Variants in SGPP2 observed in about 807,000 individuals in gnomAD.
SGPP2 encodes the protein sphingosine 1-phosphate phosphohydrolase 2.
Under a neutral mutation model 33.9 loss-of-function variants are expected in SGPP2, and 30 were observed. The ratio of observed to expected loss-of-function variants is 0.89; its 90% confidence interval spans 0.66 to 1.20. The LOEUF (loss-of-function observed/expected upper bound fraction) is 1.20. Among genes scored for constraint, SGPP2 ranks in the 50% most tolerant of loss-of-function variants. The pLI is 0.00. For synonymous variants in SGPP2, 233 were observed against 225.0 expected, an observed-to-expected ratio of 1.04 and a Z score of -0.32; for missense variants, 458 against 532.1, an observed-to-expected ratio of 0.86 and a Z score of 1.37.
In SGPP2 at chr2:222,476,397, G is replaced by A. The variant is rs376044287; in HGVS notation, c.378+1671G>A. 4.5e-4 allele frequency among the ~76,000 whole-genome samples: 69 copies of A among 152,140 alleles called. 1 individual carries two copies. Among genetic ancestry groups the A allele is most frequent in the African/African-American group, 1.6e-3 (67 of 41,472 alleles). On this transcript the variant is annotated intron_variant, in intron 2 of 4. Transcript: ENST00000321276. The surrounding 1 kb of genome is among the most constrained non-coding windows in gnomAD (Gnocchi z 4.3). ...GAGCAACTGCCCCTGGCTCCACCTG[G>A]GACTTCAAATCCCTGTCTCCCAATA...
chr2:222,453,406 T>C (rs780957534), intron 1 of SGPP2, among the ~76,000 whole-genome samples: 48 of 152,148 alleles, frequency 3.2e-4, no homozygotes, highest in South Asian at 1.7e-3. Flanking sequence ...CCTCCAGAAG[T>C]GAAAGTATCA....
intron 4 of SGPP2, among the ~76,000 whole-genome samples, chr2:222,527,247 A>G (rs1378547158): frequency 6.6e-6 from 1 of 152,224 alleles, no homozygotes; most frequent in African/African-American, 2.4e-5. Flanking sequence ...AGTAGACAAC[A>G]GAATAGTGTA....
chr2:222,548,381 A>C (rs1313114589), intron 4 of SGPP2, among the ~76,000 whole-genome samples: 1 of 152,224 alleles, frequency 6.6e-6, no homozygotes, highest in African/African-American at 2.4e-5. Flanking sequence ...ATTTATTCTA[A>C]AATTACAGAA....
intron 2 of SGPP2, among the ~76,000 whole-genome samples, chr2:222,492,630 TC>T (rs1209801402): frequency 6.6e-6 from 1 of 152,228 alleles, no homozygotes; most frequent in African/African-American, 2.4e-5. Context: ...GGAGACGTTT[TC>T]CCTGTTGTCT....
intron 1 of SGPP2, among the ~76,000 whole-genome samples, chr2:222,472,339 A>T (rs1697857331): frequency 6.6e-6 from 1 of 152,104 alleles, no homozygotes; most frequent in Non-Finnish European, 1.5e-5. Context: ...TGCAGGGCCC[A>T]CTAGCCAAGT....
At chr2:222,451,848 G>T (rs987505099) in intron 1 of SGPP2, among the ~76,000 whole-genome samples, 2 of 152,174 alleles carry the variant, frequency 1.3e-5, no homozygotes, top group African/African-American at 2.4e-5. Context: ...GATGGGTGGA[G>T]TAATCATCAT....
At chr2:222,450,061 G>A (rs1697460543) in intron 1 of SGPP2, among the ~76,000 whole-genome samples, 1 of 152,188 alleles carries the variant, frequency 6.6e-6, no homozygotes, top group Non-Finnish European at 1.5e-5. Context: ...TCAATTTCAT[G>A]TGCTTCAATC....
chr2:222,554,174 T>C (rs571222762), intron 4 of SGPP2, among the ~76,000 whole-genome samples: 11 of 152,384 alleles, frequency 7.2e-5, no homozygotes, highest in African/African-American at 2.6e-4. Flanking sequence ...TTCCTGATTG[T>C]ACCCAGCCAT....
At chr2:222,452,762 G>T in intron 1 of SGPP2, 1 of 1,468,572 alleles carries the variant, frequency 6.8e-7, no homozygotes. Flanking sequence ...GGCATTCCTG[G>T]TGGTAAGAAG....
intron 2 of SGPP2, among the ~76,000 whole-genome samples, chr2:222,488,716 A>T (rs930685767): frequency 3.3e-5 from 5 of 152,190 alleles, no homozygotes; most frequent in African/African-American, 4.8e-5. Context: ...AACATCAAAC[A>T]TGCAAGCCTT....
chr2:222,499,803 G>A (rs891930300), intron 2 of SGPP2, among the ~76,000 whole-genome samples: 6 of 152,128 alleles, frequency 3.9e-5, no homozygotes, highest in African/African-American at 1.2e-4. Context: ...CCTGTTTGTG[G>A]TTGAGCTCTA....
chr2:222,436,556 A>G (rs1697243789), intron 1 of SGPP2, among the ~76,000 whole-genome samples: 1 of 152,172 alleles, frequency 6.6e-6, no homozygotes, highest in African/African-American at 2.4e-5. Context: ...GATGGGGAAC[A>G]TGGTACGACC....
chr2:222,518,751 G>A (rs1405255051), intron 2 of SGPP2, among the ~76,000 whole-genome samples: 4 of 152,188 alleles, frequency 2.6e-5, no homozygotes, highest in Non-Finnish European at 4.4e-5. Flanking sequence ...ATTCGAAATT[G>A]CAGCTATGGA....
At chr2:222,519,286 G>A (rs1698649521) in intron 2 of SGPP2, among the ~76,000 whole-genome samples, 2 of 152,236 alleles carry the variant, frequency 1.3e-5, no homozygotes, top group South Asian at 4.1e-4. Flanking sequence ...AATTTAGTAG[G>A]TCTAAGGAGA....
At chr2:222,445,127 A>G (rs1167707065) in intron 1 of SGPP2, among the ~76,000 whole-genome samples, 3 of 152,180 alleles carry the variant, frequency 2.0e-5, no homozygotes, top group Admixed American at 2.0e-4. Context: ...ATCCTGTGTA[A>G]GGTGAAGATA....
intron 2 of SGPP2, chr2:222,503,871 C>T (rs1345245487): frequency 6.6e-6 from 1 of 152,134 alleles, no homozygotes; most frequent in Non-Finnish European, 1.5e-5. Context: ...CTCCAGGACT[C>T]TTACACCTCA....
chr2:222,428,355 G>A (rs748095390), intron 1 of SGPP2, among the ~76,000 whole-genome samples: 3 of 152,160 alleles, frequency 2.0e-5, no homozygotes, highest in Non-Finnish European at 4.4e-5. Context: ...CTGGGGTAAA[G>A]CCAGCCTCGT....
At chr2:222,428,116 T>G (rs1697098843) in intron 1 of SGPP2, among the ~76,000 whole-genome samples, 1 of 152,246 alleles carries the variant, frequency 6.6e-6, no homozygotes, top group Admixed American at 6.5e-5. Flanking sequence ...AGGGCCTCAC[T>G]GTATCTGATT....
upstream of SGPP2, among the ~76,000 whole-genome samples, chr2:222,424,122 ATCCGACT>A (rs551097135): frequency 6.6e-6 from 1 of 152,152 alleles, no homozygotes; most frequent in African/African-American, 2.4e-5. Flanking sequence ...GTGGGAGGAA[ATCCGACT>A]TCACCTTGGG....
Sources: allele counts gnomAD v4.1 joint callset (sites outside exome capture counted in the v4.1 genomes callset), GRCh38; gene constraint gnomAD v4.1.1; non-coding constraint Gnocchi (gnomAD v3.1); transcripts MANE v1.5; gene names NCBI Gene and HGNC (gene_info 2026-07-23, HGNC 2026-07-21).